The following AATF variants were observed in gnomAD, a reference collection of about 807,000 sequenced individuals.
AATF encodes the protein protein AATF.
A neutral mutation model predicts 63.7 loss-of-function variants in AATF; 48 were observed. The observed-to-expected ratio is 0.75, with a 90% CI of 0.60 to 0.96. The LOEUF is 0.96. Ranked by LOEUF, AATF falls within the 40% of genes least tolerant of loss-of-function variation. The probability of loss-of-function intolerance (pLI) is 0.00; values close to 1 mark genes in which losing one functional copy is unlikely to be tolerated. For synonymous variants in AATF, 258 were observed against 247.7 expected (o/e 1.04, Z -0.39); for missense variants, 639 against 685.7 (o/e 0.93, Z 0.76).
At chr17:37,025,707 G>C (rs925739243) in intron 10 of AATF, among the ~76,000 whole-genome samples, 1 of 152,166 alleles carries the variant, frequency 6.6e-6, no homozygotes, top group Non-Finnish European at 1.5e-5. Flanking sequence ...TAGAATTTCT[G>C]TGTAAACTTT....
At chr17:36,955,135 A>G (rs1180027261) in intron 4 of AATF, among the ~76,000 whole-genome samples, 3 of 152,092 alleles carry the variant, frequency 2.0e-5, no homozygotes, top group Non-Finnish European at 2.9e-5. Flanking sequence ...GCTCTTTAAA[A>G]CTTATTTTTT....
chr17:36,953,322 C>G, intron 3 of AATF, 26 bp downstream of exon 3: 1 of 1,591,252 alleles, frequency 6.3e-7, no homozygotes, highest in Non-Finnish European at 8.6e-7. Context: ...TGCTGATTGC[C>G]TGTTTTTCAA....
intron 10 of AATF, among the ~76,000 whole-genome samples, chr17:37,021,992 A>G (rs940615464): frequency 6.6e-6 from 1 of 152,128 alleles, no homozygotes; most frequent in African/African-American, 2.4e-5. Flanking sequence ...AAAATAGAGC[A>G]ATTTCTGACT....
intron 4 of AATF, among the ~76,000 whole-genome samples, chr17:36,973,643 G>A (rs919723546): frequency 1.3e-5 from 2 of 152,224 alleles, no homozygotes; most frequent in Non-Finnish European, 2.9e-5. Flanking sequence ...CTAAGAGTTA[G>A]ACTTTCAGGG....
At chr17:36,987,230 A>G (rs2071176645) in intron 5 of AATF, among the ~76,000 whole-genome samples, 1 of 146,864 alleles carries the variant, frequency 6.8e-6, no homozygotes, top group African/African-American at 2.5e-5. Context: ...GGCTCGAGCC[A>G]TCCTTCCACC....
intron 1 of AATF, 88 bp from the exon 2 acceptor site, chr17:36,950,126 A>C: frequency 7.0e-7 from 1 of 1,429,200 alleles, no homozygotes; most frequent in Non-Finnish European, 9.6e-7. Flanking sequence ...AAGGACGTTC[A>C]ACTATGAGAT....
chr17:36,987,225 G>C (rs7221052), intron 5 of AATF, among the ~76,000 whole-genome samples: 1 of 148,644 alleles, frequency 6.7e-6, no homozygotes, highest in East Asian at 2.0e-4. Context: ...TCCTGGGCTC[G>C]AGCCATCCTT....
intron 4 of AATF, among the ~76,000 whole-genome samples, chr17:36,955,871 T>C (rs2142205443): frequency 6.6e-6 from 1 of 152,278 alleles, no homozygotes; most frequent in Non-Finnish European, 1.5e-5. Flanking sequence ...CAAGTGATCT[T>C]CCCGCCTCAG....
In AATF at chr17:36,963,247, G is replaced by A. The variant is rs368256535; in HGVS notation, c.832+9340G>A. Among the ~76,000 whole-genome samples, 9 of 152,188 alleles carry A rather than the reference G, an allele frequency of 5.9e-5. No individual in the cohort carries two copies. The East Asian group carries it at 1.7e-3, about 29-fold the overall frequency. ...GCAGGTGGATTCTTTTATTGCCTTGGTTATTTTTTGTTCTTGGGTACCTCT... is the reference window on the plus strand; with the variant it reads ...GCAGGTGGATTCTTTTATTGCCTTGATTATTTTTTGTTCTTGGGTACCTCT... On this transcript the variant is annotated intron_variant, in intron 4 of 11. Transcript: ENST00000619387.
chr17:37,008,199 T>G (rs1362710779), intron 8 of AATF, among the ~76,000 whole-genome samples: 1 of 152,252 alleles, frequency 6.6e-6, no homozygotes, highest in Non-Finnish European at 1.5e-5. Flanking sequence ...GAGCATGATC[T>G]GATGTTCCAC....
chr17:37,034,724 A>G (rs1478908086), intron 11 of AATF: 1 of 152,202 alleles, frequency 6.6e-6, no homozygotes, highest in Non-Finnish European at 1.5e-5. Context: ...TGAACAAAAA[A>G]ATTCCAGCAG....
intron 7 of AATF, among the ~76,000 whole-genome samples, chr17:36,990,159 T>G (rs985709079): frequency 2.0e-5 from 3 of 152,190 alleles, no homozygotes; most frequent in Non-Finnish European, 2.9e-5. Context: ...TATAAATATG[T>G]AAAATATTAC....
At chr17:37,017,009 C>A (rs182133243) in intron 8 of AATF, among the ~76,000 whole-genome samples, 2 of 152,336 alleles carry the variant, frequency 1.3e-5, no homozygotes, top group East Asian at 3.9e-4. Flanking sequence ...ATGTATAGTA[C>A]ACAAAGTGTT....
At chr17:37,003,231 T>C (rs762034960) in intron 8 of AATF, among the ~76,000 whole-genome samples, 15 of 152,264 alleles carry the variant, frequency 9.9e-5, no homozygotes, top group Admixed American at 7.8e-4. Context: ...TTTTAACAAA[T>C]GGTGTTGGAG....
intron 4 of AATF, among the ~76,000 whole-genome samples, chr17:36,982,023 C>T (rs2071129467): frequency 6.6e-6 from 1 of 152,090 alleles, no homozygotes; most frequent in African/African-American, 2.4e-5. Flanking sequence ...TTCTCCAACC[C>T]CTGGTAGCCA....
intron 11 of AATF, among the ~76,000 whole-genome samples, chr17:37,050,574 G>A (rs188240772): frequency 6.3e-4 from 96 of 152,322 alleles, no homozygotes; most frequent in African/African-American, 2.2e-3. Flanking sequence ...CAGAGCAGGC[G>A]TGTGTGTGAA....
At position 36,953,005 on chromosome 17, in the gene AATF, G is replaced by C. The variant is rs2070867839; in HGVS notation, c.403G>C (p.Glu135Gln). ...AEEQECGDHR[E>Q]SKKSRSHSAK... ...GGAACAGGAGTGTGGTGATCACAGG[G>C]AGAGCAAGAAGAGCAGAAGCCACTC... The change falls in exon 3 of 12, where the codon GAG (glutamate) becomes CAG (glutamine). Residue 135 changes from glutamate (E) to glutamine (Q), a missense_variant. Coordinates refer to ENST00000619387, the MANE Select transcript of AATF (RefSeq NM_012138.4). 5 of 1,614,184 alleles carry C rather than the reference G, an allele frequency of 3.1e-6. No individual in the cohort carries two copies. The highest frequency in any genetic ancestry group is 4.5e-5 in the East Asian group (2 of 44,886).
At chr17:36,995,144 C>A (rs1032738260) in intron 8 of AATF, among the ~76,000 whole-genome samples, 2 of 152,200 alleles carry the variant, frequency 1.3e-5, no homozygotes, top group Non-Finnish European at 1.5e-5. Flanking sequence ...TAGTTTTGAT[C>A]TGGTTTGTCC....
At chr17:36,984,442 T>A (rs2071151196) in intron 4 of AATF, among the ~76,000 whole-genome samples, 1 of 152,158 alleles carries the variant, frequency 6.6e-6, no homozygotes, top group Non-Finnish European at 1.5e-5. Context: ...TGACACAGTA[T>A]GTGTGAAGGA....
Sources: allele counts gnomAD v4.1 joint callset (sites outside exome capture counted in the v4.1 genomes callset), GRCh38; gene constraint gnomAD v4.1.1; transcripts MANE v1.5; gene names NCBI Gene and HGNC (gene_info 2026-07-23, HGNC 2026-07-21).